Variants in BRD8 observed in about 807,000 individuals in gnomAD.
BRD8 encodes bromodomain-containing protein 8.
BRD8 carries 67 observed loss-of-function variants against 143.1 expected under a neutral mutation model. The ratio of observed to expected loss-of-function variants is 0.47; its 90% CI spans 0.38 to 0.57. The LOEUF is 0.57. Ranked by LOEUF, BRD8 falls within the 20% of genes least tolerant of loss-of-function variation. The pLI, the probability that BRD8 is intolerant of heterozygous loss-of-function variation, is 0.00. For missense variants in BRD8, 1,103 were observed against 1,503.0 expected (o/e 0.73, Z 4.40); for synonymous variants, 505 against 517.1 (o/e 0.98, Z 0.32).
rs765007562 is a variant in BRD8 at position 138,149,752 on chromosome 5, A to G, written c.3166T>C (p.Tyr1056His). Residue 1056 changes from tyrosine (Y) to histidine (H), a missense_variant, in exon 23 of 27, where the codon TAT becomes CAT. Tyr to His is a moderately conservative substitution (Grantham distance 83). Coordinates refer to ENST00000254900, the MANE Select transcript of BRD8 (RefSeq NM_139199.2). ...ESKGEDQGEV[Y>H]VSEMEDQPPS... ...GGCTGGTCTTCCATCTCTGACACATATACTTCACCCTGGTCCTCCCCTTTG... is the reference window on the plus strand; with the variant it reads ...GGCTGGTCTTCCATCTCTGACACATGTACTTCACCCTGGTCCTCCCCTTTG... 16 of 1,613,238 alleles carry G rather than the reference A, an allele frequency of 9.9e-6. No homozygotes were observed. In the Admixed American group the frequency reaches 2.5e-4, roughly 25 times the overall value.
chr5:138,169,444 C>T, intron 7 of BRD8, 86 bp from the exon 8 acceptor site: 3 of 1,443,004 alleles, frequency 2.1e-6, no homozygotes, highest in Non-Finnish European at 2.8e-6. Context: ...CAATAAAGGA[C>T]AAATAGGTAT....
rs542352168 is a variant in BRD8, at chr5:138,168,692, A to G, written c.642+530T>C. On this transcript the variant is annotated intron_variant, in intron 8 of 26. Coordinates refer to ENST00000254900, the MANE Select transcript of BRD8 (RefSeq NM_139199.2). ...TCGGCAAAGTCCCGGGGGTTACCTAAGAGACAACAGAGAACCTTTATCTGA... is the reference window on the plus strand; with the variant it reads ...TCGGCAAAGTCCCGGGGGTTACCTAGGAGACAACAGAGAACCTTTATCTGA... The G allele has an allele frequency of 7.6e-6, 11 of 1,439,502 alleles. No individual in the cohort carries two copies. The African/African-American group carries it at 1.5e-4, about 20-fold the overall frequency. The allele number at this position is 1,439,502 out of a possible 1,614,324, so 89.2% of individuals were successfully genotyped here. A position where few individuals can be genotyped will look rare whatever the true frequency, so the allele number is the denominator to read the frequency against.
At chr5:138,167,705 A>C in intron 9 of BRD8, 1 of 488,750 alleles carries the variant, frequency 2.0e-6, no homozygotes, top group Non-Finnish European at 3.7e-6. Flanking sequence ...GTTCAATATT[A>C]CTCTCAATAT....
chr5:138,164,914 C>T lies in BRD8; in HGVS notation c.1531G>A (p.Glu511Lys). 1.9e-6 allele frequency: 3 copies of T among 1,614,200 alleles called. No homozygotes were observed. The highest frequency in any genetic ancestry group is 1.7e-6 in the Non-Finnish European group (2 of 1,180,028). Residue 511 changes from glutamate to lysine, a missense_variant, in exon 12 of 27, where the codon GAA (glutamate) becomes AAA (lysine). Coordinates refer to ENST00000254900, the MANE Select transcript of BRD8 (RefSeq NM_139199.2). ...IREPSAEIKV[E>K]PAEPEPVISG... is the part of the protein sequence containing the mutation. ...ATGACTGGCTCTGGTTCTGCAGGTTCCACCTTGATCTCTGCACTGGGCTCC... is the reference window on the plus strand; with the variant it reads ...ATGACTGGCTCTGGTTCTGCAGGTTTCACCTTGATCTCTGCACTGGGCTCC...
In BRD8 at chr5:138,149,718, C is replaced by A. The variant is rs202180335; in HGVS notation, c.3200G>T (p.Gly1067Val). The A allele has an allele frequency of 1.5e-4, 237 of 1,613,782 alleles. 1 individual carries two copies. The East Asian group carries it at 3.4e-3, about 23-fold the overall frequency. ...VSEMEDQPPS[G>V]ECDDAFNIKE... ...AATGTTAAAGGCATCATCACACTCG[C>A]CTGAAGGGGGCTGGTCTTCCATCTC... The change falls in exon 23 of 27, where the codon GGC becomes GTC. Residue 1067 changes from glycine to valine, a missense_variant. Gly to Val is a moderately radical substitution (Grantham distance 109). Around this residue, in one of 7 missense-constraint regions of BRD8, gnomAD observed 369 missense variants for 445.5 expected, o/e 0.83. Transcript: ENST00000254900.
At chr5:138,172,175 A>C in intron 2 of BRD8, 41 bp from the exon 3 acceptor site, 6 of 1,497,338 alleles carry the variant, frequency 4.0e-6, no homozygotes, top group Non-Finnish European at 5.6e-6. Context: ...CAAGCAGAAA[A>C]CAATAGGAGA....
At chr5:138,166,758 T>A in intron 9 of BRD8, 31 bp from the exon 10 acceptor site, 1 of 1,349,504 alleles carries the variant, frequency 7.4e-7, no homozygotes, top group Non-Finnish European at 1.1e-6. Context: ...CAAAATGAAG[T>A]AAGAAGAAAG....
intron 20 of BRD8, among the ~76,000 whole-genome samples, chr5:138,156,702 A>C (rs1752618028): frequency 6.6e-6 from 1 of 152,156 alleles, no homozygotes; most frequent in East Asian, 1.9e-4. Context: ...AGGTATATTA[A>C]CTATAAACTC....
intron 26 of BRD8, chr5:138,140,502 G>A (rs1351914610): frequency 3.2e-6 from 2 of 634,634 alleles, no homozygotes; most frequent in South Asian, 1.9e-5. Context: ...ACTGCTGCCT[G>A]CATTCCTAGA....
intron 23 of BRD8, among the ~76,000 whole-genome samples, chr5:138,147,611 T>C (rs1752206393): frequency 6.6e-6 from 1 of 152,178 alleles, no homozygotes; most frequent in Admixed American, 6.5e-5. Context: ...GAGTCACAGA[T>C]AAAAACAACT....
intron 2 of BRD8, among the ~76,000 whole-genome samples, chr5:138,173,353 G>A (rs910711602): frequency 1.3e-5 from 2 of 151,270 alleles, no homozygotes; most frequent in African/African-American, 4.9e-5. Flanking sequence ...AGCCGAGATC[G>A]TGCCACTGCA....
intron 15 of BRD8, among the ~76,000 whole-genome samples, 197 bp downstream of exon 15, chr5:138,162,933 G>A (rs1753109298): frequency 6.6e-6 from 1 of 151,952 alleles, no homozygotes; most frequent in Middle Eastern, 3.2e-3. Context: ...CCTGAGAAGT[G>A]GAGGTTGCAG....
In BRD8 at chr5:138,145,096, A is replaced by AATAG. The variant is rs1752095525; in HGVS notation, c.3437+80_3437+81insCTAT. The AATAG allele has an allele frequency of 2.9e-5, 41 of 1,401,994 alleles. No homozygotes were observed. In the Middle Eastern group the frequency reaches 5.5e-4, roughly 19 times the overall value. The allele number at this position is 1,401,994 out of a possible 1,614,324, so 86.8% of individuals were successfully genotyped here. On this transcript the variant is annotated intron_variant, in intron 25 of 26. Coordinates refer to ENST00000254900, the MANE Select transcript of BRD8 (RefSeq NM_139199.2). ...ATATCTTGAGTTTGTAAGTTATAAA[A>AATAG]ATAATCTAACAGATGGGAAATAAAA... is the stretch of plus-strand genomic sequence containing the variant.
Position 138,162,157 on chromosome 5 carries a change from G to A in BRD8, c.2088-11C>T. 1 of 1,576,352 alleles carries A rather than the reference G, an allele frequency of 6.3e-7. No homozygotes were observed. Among genetic ancestry groups the A allele is most frequent in the Non-Finnish European group, 8.6e-7 (1 of 1,162,740 alleles). ...TCACTACAGACAGAGCTGAAACAGA[G>A]ATACAGCAATTCCACTAGGCACAAG... On this transcript the variant is annotated splice_polypyrimidine_tract_variant and intron_variant, in intron 15 of 26. Transcript: ENST00000254900.
At chr5:138,161,934 A>G (rs550889820) in intron 16 of BRD8, 70 bp from the exon 17 acceptor site, 2 of 1,581,804 alleles carry the variant, frequency 1.3e-6, no homozygotes, top group South Asian at 2.2e-5. Context: ...TACTCTAAGT[A>G]ACTAAAGGTA....
intron 23 of BRD8, among the ~76,000 whole-genome samples, chr5:138,149,027 T>G (rs1266714303): frequency 1.3e-5 from 2 of 150,268 alleles, no homozygotes; most frequent in Non-Finnish European, 3.0e-5. Context: ...ATCGTGCCCA[T>G]TGCACTCCAG....
intron 17 of BRD8, 24 bp downstream of exon 17, chr5:138,161,772 C>A: frequency 6.2e-7 from 1 of 1,600,012 alleles, no homozygotes; most frequent in Non-Finnish European, 8.5e-7. Context: ...GGCAAGTTAC[C>A]ATGCTGGGTG....
At chr5:138,146,560 C>CAA (rs943177443) in intron 23 of BRD8, among the ~76,000 whole-genome samples, 2 of 150,142 alleles carry the variant, frequency 1.3e-5, no homozygotes, top group African/African-American at 4.9e-5. Context: ...GGTCCCACTA[C>CAA]GTTGCCCAGG....
At position 138,157,063 on chromosome 5, in the gene BRD8, C is replaced by G. The variant is rs1481210747; in HGVS notation, c.2577+2492G>C. 3.9e-6 allele frequency: 6 copies of G among 1,523,862 alleles called. No homozygotes were observed. The African/African-American group carries it at 8.3e-5, about 21-fold the overall frequency. The allele number at this position is 1,523,862 out of a possible 1,614,324, so 94.4% of individuals were successfully genotyped here. On this transcript the variant is annotated intron_variant, in intron 20 of 26. Coordinates refer to ENST00000254900, the MANE Select transcript of BRD8 (RefSeq NM_139199.2). ...CAGGCAATTGTGCTACTCCAACTCT[C>G]TAAGAGAGATTTTCCAGCTCATGTC...
Sources: allele counts gnomAD v4.1 joint callset (sites outside exome capture counted in the v4.1 genomes callset), GRCh38; gene constraint gnomAD v4.1.1; regional missense constraint gnomAD v4.1.1; transcripts MANE v1.5; gene names NCBI Gene and HGNC (gene_info 2026-07-23, HGNC 2026-07-21).